Variants in SPANXN4 observed in about 807,000 individuals in gnomAD.
SPANXN4 encodes the protein sperm protein associated with the nucleus on the X chromosome N4.
Under a neutral mutation model 6.0 loss-of-function variants are expected in SPANXN4, and 5 were observed. The ratio of observed to expected loss-of-function variants is 0.83; its 90% CI spans 0.44 to 1.75. The LOEUF is 1.75. Among genes scored for constraint, SPANXN4 ranks in the 40% most tolerant of loss-of-function variants. The pLI, the probability that SPANXN4 is intolerant of heterozygous loss-of-function variation, is 0.02. For missense variants in SPANXN4, 157 were observed against 108.6 expected, an observed-to-expected ratio of 1.45 and a Z score of -1.98; for synonymous variants, 45 against 38.0, an observed-to-expected ratio of 1.19 and a Z score of -0.68.
At chrX:143,028,951 A>G (rs1160170271) in intron 1 of SPANXN4, among the ~76,000 whole-genome samples, 1 of 112,234 alleles carries the variant, frequency 8.9e-6, no homozygotes, top group East Asian at 2.8e-4. Flanking sequence ...GCGCACGTAT[A>G]AAAGTACAGA....
At chrX:143,034,344 G>A in intron 2 of SPANXN4, 33 bp downstream of exon 2, 4 of 1,029,483 alleles carry the variant, frequency 3.9e-6, no homozygotes, top group East Asian at 3.3e-5. Context: ...TTTTTCTGAT[G>A]GTGGGGAGGA....
rs180920189 is a variant in SPANXN4 at position 143,028,706 on chromosome X, T to C, written c.78+2614T>C. ...ATGTATCTACTATTAGCAGAAGGTATAGGAATCATTTGTTGGGAGGCATGT... is the reference window on the plus strand; with the variant it reads ...ATGTATCTACTATTAGCAGAAGGTACAGGAATCATTTGTTGGGAGGCATGT... On this transcript the variant is annotated intron_variant, in intron 1 of 2. Coordinates refer to ENST00000370504, the Ensembl canonical transcript of SPANXN4. 2.5e-3 allele frequency among the ~76,000 whole-genome samples: 273 copies of C among 110,936 alleles called. 1 individual carries two copies. The highest frequency in any genetic ancestry group is 3.2e-3 in the Non-Finnish European group (167 of 52,965).
intron 1 of SPANXN4, among the ~76,000 whole-genome samples, chrX:143,030,832 T>C (rs925782382): frequency 9.0e-6 from 1 of 111,269 alleles, no homozygotes; most frequent in Non-Finnish European, 1.9e-5. Context: ...TAGCGAAAGT[T>C]GACAGACTTG....
intron 1 of SPANXN4, among the ~76,000 whole-genome samples, chrX:143,033,185 GC>G (rs757036205): frequency 1.8e-5 from 2 of 111,767 alleles, no homozygotes; most frequent in Admixed American, 9.5e-5. Context: ...GGGTAAGGAA[GC>G]AGAGGATGGA....
At chrX:143,034,793 C>G (rs1036171373), downstream of SPANXN4, 41 of 1,003,509 alleles carry the variant, frequency 4.1e-5, no homozygotes, top group Non-Finnish European at 5.1e-5. Flanking sequence ...GCTTCCAATA[C>G]TAGGGCGCTT....
intron 1 of SPANXN4, among the ~76,000 whole-genome samples, chrX:143,032,490 T>C (rs1932816178): frequency 9.1e-6 from 1 of 109,897 alleles, no homozygotes; most frequent in African/African-American, 3.3e-5. Flanking sequence ...ATAGGGGTTT[T>C]TTTAACCAGG....
chrX:143,034,347 G>A, intron 2 of SPANXN4, 36 bp downstream of exon 2: 1 of 1,017,808 alleles, frequency 9.8e-7, no homozygotes, highest in Non-Finnish European at 1.3e-6. Context: ...TTCTGATGGT[G>A]GGGAGGAAGG....
In SPANXN4 at chrX:143,034,032, A is replaced by G. The variant is rs1233504336; in HGVS notation, c.83A>G (p.Lys28Arg). Residue 28 changes from lysine to arginine, a missense_variant, in exon 2 of 3, where the codon AAG becomes AGG. Coordinates refer to ENST00000370504, the Ensembl canonical transcript of SPANXN4. ...TCCCTGTTTTTTTACCAGAAGAAGA[A>G]GAATCTGCACAGAGCCTCAGCCCCT... The G allele has an allele frequency of 2.6e-6, 3 of 1,167,835 alleles. No individual in the cohort carries two copies. The African/African-American group carries it at 5.4e-5, about 21-fold the overall frequency.
chrX:143,032,656 A>G (rs1444321942), intron 1 of SPANXN4, among the ~76,000 whole-genome samples: 1 of 111,152 alleles, frequency 9.0e-6, no homozygotes, highest in Non-Finnish European at 1.9e-5. Context: ...TTACCATTGC[A>G]TTAGAGAAAG....
chrX:143,035,334 T>C (rs184637793), downstream of SPANXN4, among the ~76,000 whole-genome samples: 140 of 110,407 alleles, frequency 1.3e-3, no homozygotes, highest in African/African-American at 4.5e-3. Context: ...TCAATACATG[T>C]TTTTTTTATT....
chrX:143,028,925 T>C (rs1932793176), intron 1 of SPANXN4, among the ~76,000 whole-genome samples: 1 of 111,874 alleles, frequency 8.9e-6, no homozygotes. Context: ...GGGCAGTAAC[T>C]GGCATGGAAA....
At chrX:143,026,258 G>T (rs150596109) in intron 1 of SPANXN4, among the ~76,000 whole-genome samples, 166 bp downstream of exon 1, 1,484 of 111,756 alleles carry the variant, frequency 0.013, 10 homozygotes, top group Non-Finnish European at 0.021. Flanking sequence ...TTATAGGTAT[G>T]GGTGGGAGAG....
downstream of SPANXN4, among the ~76,000 whole-genome samples, chrX:143,036,313 T>C (rs1203177506): frequency 1.8e-5 from 2 of 110,460 alleles, no homozygotes; most frequent in African/African-American, 6.6e-5. Context: ...TACAGAAAAA[T>C]CTCACAGATC....
At chrX:143,036,560 T>TA (rs1258828612), downstream of SPANXN4, among the ~76,000 whole-genome samples, 1 of 112,206 alleles carries the variant, frequency 8.9e-6, no homozygotes, top group East Asian at 2.8e-4. Context: ...CATCCTTTTC[T>TA]ATGATCAATT....
chrX:143,028,457 T>A (rs1244453199), intron 1 of SPANXN4, among the ~76,000 whole-genome samples: 2 of 111,009 alleles, frequency 1.8e-5, no homozygotes, highest in Admixed American at 1.9e-4. Flanking sequence ...GTTTGTTTGT[T>A]TTTTAATTAC....
exon 3 of SPANXN4, chrX:143,034,544 C>T: frequency 4.3e-6 from 5 of 1,156,727 alleles, no homozygotes; most frequent in Non-Finnish European, 5.8e-6. Context: ...CCTTGGAGCA[C>T]GTGCATGTTT....
rs986789007 is a variant in SPANXN4, at chrX:143,028,102, G to C, written c.78+2010G>C. Among the ~76,000 whole-genome samples, 6 of 111,528 alleles carry C rather than the reference G, an allele frequency of 5.4e-5. No individual in the cohort carries two copies. In the East Asian group the frequency reaches 8.6e-4, roughly 16 times the overall value. The stretch of plus-strand genomic sequence containing the variant: ...AGGTTGGTCCTGTGAGGGAGAGAGA[G>C]TAATTTGGGGGTGAGGAAATTTCTA... On this transcript the variant is annotated intron_variant, in intron 1 of 2. Transcript: ENST00000370504.
intron 1 of SPANXN4, among the ~76,000 whole-genome samples, chrX:143,028,681 A>G (rs777633107): frequency 3.2e-4 from 35 of 110,491 alleles, no homozygotes; most frequent in African/African-American, 1.1e-3. Context: ...CATCCAGAGA[A>G]TGTATCTACT....
intron 1 of SPANXN4, among the ~76,000 whole-genome samples, chrX:143,030,763 G>C (rs1236781343): frequency 9.0e-6 from 1 of 111,514 alleles, no homozygotes; most frequent in Non-Finnish European, 1.9e-5. Flanking sequence ...ACAACTCCAA[G>C]ATCTTGGACC....
Sources: gnomAD v4.1 joint callset for allele counts (sites outside exome capture counted in the v4.1 genomes callset) on GRCh38, gnomAD v4.1.1 for gene constraint, MANE v1.5 for transcripts, NCBI Gene and HGNC (gene_info 2026-07-23, HGNC 2026-07-21) for gene names.